CREB3L1: variants seen among roughly 807,000 people sequenced by gnomAD.
CREB3L1 encodes cAMP responsive element binding protein 3 like 1, also known as cyclic AMP-responsive element-binding protein 3-like protein 1.
CREB3L1 carries 33 observed loss-of-function variants against 54.5 expected under a neutral mutation model. The ratio of observed to expected loss-of-function variants is 0.61; its 90% CI spans 0.46 to 0.81. The LOEUF is 0.81. Ranked by LOEUF, CREB3L1 falls within the 30% of genes least tolerant of loss-of-function variation. CREB3L1 has a pLI of 0.00. For missense variants in CREB3L1, 656 were observed against 673.3 expected (o/e 0.97, Z 0.29); for synonymous variants, 284 against 286.4 (o/e 0.99, Z 0.08).
chr11:46,307,831 C>G lies in CREB3L1; in HGVS notation c.347C>G (p.Ala116Gly), dbSNP rs748239027. The G allele has an allele frequency of 6.3e-7, 1 of 1,576,678 alleles. No homozygotes were observed. The highest frequency in any genetic ancestry group is 8.6e-7 in the Non-Finnish European group (1 of 1,161,204). ...EDTTQDAEHGAWALGHKLCSI... is the reference protein window; with the variant it reads ...EDTTQDAEHGGWALGHKLCSI... ...CTTCCCCTAGATGCAGAGCATGGAG[C>G]ATGGGCGCTGGGACACAAACTGTGC... Residue 116 changes from alanine to glycine, a missense_variant, in exon 3 of 12, where the codon GCA (alanine) becomes GGA (glycine). Physicochemically the swap from Ala to Gly is moderately conservative, Grantham distance 60 (BLOSUM62 0). Around this residue, in one of 3 missense-constraint regions of CREB3L1, gnomAD observed 339 missense variants for 331.5 expected, o/e 1.02. Coordinates refer to ENST00000621158, the MANE Select transcript of CREB3L1 (RefSeq NM_052854.4).
At chr11:46,303,744 T>TA (rs886675227) in intron 2 of CREB3L1, among the ~76,000 whole-genome samples, 7 of 151,952 alleles carry the variant, frequency 4.6e-5, no homozygotes, top group Admixed American at 2.0e-4. Flanking sequence ...GTCACACCTA[T>TA]AATCCCGGCA....
Position 46,278,764 on chromosome 11 carries a change from C to T in CREB3L1, c.102+551C>T, listed in dbSNP as rs144628710. On this transcript the variant is annotated intron_variant, in intron 1 of 11. Coordinates refer to ENST00000621158, the MANE Select transcript of CREB3L1 (RefSeq NM_052854.4). The surrounding 1 kb of genome is among the most constrained non-coding windows in gnomAD (Gnocchi z 4.2). Reference sequence around the variant, plus strand: ...CCAGGGAGGGACCTGAGGCTGGGGGCTGGGAAGAGGCGGTCAGGGCAACAT... The same window carrying T: ...CCAGGGAGGGACCTGAGGCTGGGGGTTGGGAAGAGGCGGTCAGGGCAACAT... Among the ~76,000 whole-genome samples, 1,159 of 152,314 alleles carry T rather than the reference C, an allele frequency of 7.6e-3. 10 individuals are homozygous for T. The highest frequency in any genetic ancestry group is 0.017 in the Middle Eastern group (5 of 294).
At chr11:46,280,682 C>A (rs1367879548) in intron 1 of CREB3L1, among the ~76,000 whole-genome samples, 1 of 152,210 alleles carries the variant, frequency 6.6e-6, no homozygotes, top group Non-Finnish European at 1.5e-5. Flanking sequence ...AATTGCTCAG[C>A]TACGAGTTGC....
chr11:46,316,549 T>A (rs1293565796), intron 9 of CREB3L1, among the ~76,000 whole-genome samples, 164 bp downstream of exon 9: 3 of 152,090 alleles, frequency 2.0e-5, no homozygotes, highest in Admixed American at 2.0e-4. Context: ...GACTCCAGAC[T>A]CCTTCTCCAA....
At chr11:46,298,380 T>C (rs1939243493) in intron 1 of CREB3L1, among the ~76,000 whole-genome samples, 1 of 152,222 alleles carries the variant, frequency 6.6e-6, no homozygotes. Context: ...ATTCATTCGT[T>C]CAATAAATAA....
chr11:46,282,850 G>T (rs1435892023), intron 1 of CREB3L1, among the ~76,000 whole-genome samples: 1 of 152,188 alleles, frequency 6.6e-6, no homozygotes, highest in African/African-American at 2.4e-5. Flanking sequence ...GATGCTCAAT[G>T]TAGTAAAATT....
chr11:46,301,169 CAAA>C (rs774422040), intron 2 of CREB3L1, among the ~76,000 whole-genome samples: 9 of 130,810 alleles, frequency 6.9e-5, no homozygotes, highest in Non-Finnish European at 1.2e-4. Context: ...AACTCCGTCT[CAAA>C]AAAAAAAAAA....
At chr11:46,305,206 G>A (rs1359074166) in intron 2 of CREB3L1, among the ~76,000 whole-genome samples, 1 of 152,164 alleles carries the variant, frequency 6.6e-6, no homozygotes, top group African/African-American at 2.4e-5. Context: ...ACTTAGAGTG[G>A]AAGACTGTGG....
At chr11:46,298,224 C>G (rs895047821) in intron 1 of CREB3L1, among the ~76,000 whole-genome samples, 32 of 152,164 alleles carry the variant, frequency 2.1e-4, no homozygotes, top group African/African-American at 7.2e-4. Flanking sequence ...CAGGTTGGGA[C>G]AGGCTCCCAA....
Position 46,320,963 on chromosome 11 carries a change from T to C in CREB3L1, c.*217T>C, listed in dbSNP as rs1432271676. On this transcript the variant is annotated 3_prime_UTR_variant, in exon 12 of 12. Transcript: ENST00000621158. ...TCTCCTTCCCACCAACATCCATCCG[T>C]CCTTCTCAGACAAACCACTCACTGG... 1.3e-4 allele frequency: 89 copies of C among 685,546 alleles called. 1 individual carries two copies. Among genetic ancestry groups the C allele is most frequent in the South Asian group, 1.1e-3 (69 of 64,996 alleles). 42.5% of individuals were successfully genotyped at this position (685,546 alleles called of 1,614,324 possible).
At chr11:46,317,554 G>T (rs1939586603) in intron 10 of CREB3L1, 67 bp downstream of exon 10, 1 of 1,581,236 alleles carries the variant, frequency 6.3e-7, no homozygotes, top group Admixed American at 1.7e-5. Context: ...CAGTGTCCAG[G>T]CAGAAGCCAG....
chr11:46,313,559 G>A (rs1044429748), intron 8 of CREB3L1, among the ~76,000 whole-genome samples: 1 of 152,014 alleles, frequency 6.6e-6, no homozygotes, highest in Non-Finnish European at 1.5e-5. Context: ...GGTGGTGGGC[G>A]CCTGTAATCC....
At chr11:46,318,989 T>C (rs1363023369) in intron 10 of CREB3L1, among the ~76,000 whole-genome samples, 1 of 151,824 alleles carries the variant, frequency 6.6e-6, no homozygotes, top group Non-Finnish European at 1.5e-5. Context: ...TAAAGGCGGG[T>C]GGGCAGCAGC....
intron 1 of CREB3L1, among the ~76,000 whole-genome samples, chr11:46,289,304 A>C (rs761329903): frequency 6.6e-6 from 1 of 152,170 alleles, no homozygotes; most frequent in Non-Finnish European, 1.5e-5. Flanking sequence ...ACTTGAACCC[A>C]GGAGGCAGAG....
intron 8 of CREB3L1, chr11:46,315,264 G>T (rs1939550468): frequency 8.9e-6 from 2 of 225,318 alleles, no homozygotes; most frequent in Non-Finnish European, 1.8e-5. Context: ...TCTGGCTGGG[G>T]TTCCTTTCTG....
At chr11:46,309,535 C>G (rs1011805512) in intron 3 of CREB3L1, among the ~76,000 whole-genome samples, 1 of 152,220 alleles carries the variant, frequency 6.6e-6, no homozygotes, top group South Asian at 2.1e-4. Flanking sequence ...ATTTATACCC[C>G]GGGACTCATT....
rs573320584 is a variant in CREB3L1, at chr11:46,317,459, C to T, written c.1230C>T (p.Ala410=). ...GSQTVKEDPL[A]ADGVYTASQM... is the part of the protein sequence containing the mutation. ...AGACTGTGAAGGAAGACCCCCTGGC[C>T]GCAGACGGCGTCTACACGGCCAGCC... is the stretch of plus-strand genomic sequence containing the variant. Residue 410 remains alanine, a synonymous_variant, in exon 10 of 12, where the codon GCC becomes GCT. Transcript: ENST00000621158. 7.0e-5 allele frequency: 113 copies of T among 1,612,068 alleles called. No individual in the cohort carries two copies. The Admixed American group carries it at 1.6e-3, about 23-fold the overall frequency.
intron 1 of CREB3L1, among the ~76,000 whole-genome samples, chr11:46,281,574 G>C (rs1031509422): frequency 6.6e-6 from 1 of 152,224 alleles, no homozygotes; most frequent in Non-Finnish European, 1.5e-5. Flanking sequence ...TGCAGCTGGG[G>C]AGGCCAGGTG....
At chr11:46,312,531 G>A in intron 6 of CREB3L1, 57 bp downstream of exon 6, 1 of 1,609,268 alleles carries the variant, frequency 6.2e-7, no homozygotes, top group East Asian at 2.2e-5. Flanking sequence ...GGCTCCCCTG[G>A]CATACCAGCT....
Sources: allele counts gnomAD v4.1 joint callset (sites outside exome capture counted in the v4.1 genomes callset), GRCh38; gene constraint gnomAD v4.1.1; regional missense constraint gnomAD v4.1.1; non-coding constraint Gnocchi (gnomAD v3.1); transcripts MANE v1.5; gene names NCBI Gene and HGNC (gene_info 2026-07-23, HGNC 2026-07-21).